The following BAZ1B variants were observed in gnomAD, a reference collection of about 807,000 sequenced individuals.
BAZ1B encodes the protein bromodomain adjacent to zinc finger domain 1B.
A neutral mutation model predicts 153.8 loss-of-function variants in BAZ1B; 22 were observed. The observed-to-expected ratio is 0.14, with a 90% CI of 0.10 to 0.20. The LOEUF is 0.20. Among genes scored for constraint, BAZ1B ranks in the 10% least tolerant of loss-of-function variants. The pLI, the probability that BAZ1B is intolerant of heterozygous loss-of-function variation, is 1.00. For synonymous variants in BAZ1B, 676 were observed against 633.4 expected, an observed-to-expected ratio of 1.07 and a Z score of -1.01; for missense variants, 1,325 against 1,799.3, an observed-to-expected ratio of 0.74 and a Z score of 4.77.
intron 13 of BAZ1B, among the ~76,000 whole-genome samples, chr7:73,456,028 T>C (rs896072014): frequency 6.6e-6 from 1 of 152,188 alleles, no homozygotes; most frequent in Non-Finnish European, 1.5e-5. Flanking sequence ...ATATTTTACT[T>C]ACCTCTCATT....
chr7:73,477,394 T>C lies in BAZ1B; in HGVS notation c.2067A>G (p.Ser689=), dbSNP rs782746082. 1.2e-6 allele frequency: 2 copies of C among 1,614,286 alleles called. No individual in the cohort carries two copies. The highest frequency in any genetic ancestry group is 1.7e-6 in the Non-Finnish European group (2 of 1,180,048). The change falls in exon 7 of 20, where the codon TCA becomes TCG. Residue 689 remains serine (S), a synonymous_variant. Coordinates refer to ENST00000339594, the MANE Select transcript of BAZ1B (RefSeq NM_032408.4). This position sits in a 1 kb window ranked among gnomAD's most constrained non-coding sequence, Gnocchi z 5.6. ...SEIPLTLHSV[S]ELVRLCLRRS... is the part of the protein sequence containing the mutation. ...TGCGCAAGCAGAGCCGCACCAGCTC[T>C]GAAACAGAATGCAGAGTCAAGGGGA... is the stretch of plus-strand genomic sequence containing the variant.
intron 6 of BAZ1B, among the ~76,000 whole-genome samples, chr7:73,481,514 C>T (rs1267535675): frequency 3.1e-5 from 4 of 128,726 alleles, no homozygotes; most frequent in African/African-American, 1.1e-4. Flanking sequence ...GAGACTCCAT[C>T]TCAAAAAAAA....
At chr7:73,464,002 G>T in intron 11 of BAZ1B, 2 of 572,202 alleles carry the variant, frequency 3.5e-6, no homozygotes, top group Non-Finnish European at 4.4e-6. Flanking sequence ...CACCGCGGCC[G>T]GCCCTCCTCT....
intron 6 of BAZ1B, among the ~76,000 whole-genome samples, chr7:73,481,842 C>A (rs1321995615): frequency 6.6e-6 from 1 of 152,052 alleles, no homozygotes; most frequent in Non-Finnish European, 1.5e-5. Context: ...TCGAGACCAT[C>A]CTGGCTAACA....
rs1788441105 is a variant in BAZ1B, at chr7:73,462,863, GAA to G, written c.3249+57_3249+58del. ...TTGGGAAGTCAAGAACAGCACCAGG[GAA>G]GAACTTCAGATTGAGTTGCCATGAG... On this transcript the variant is annotated intron_variant, in intron 12 of 19. Coordinates refer to ENST00000339594, the MANE Select transcript of BAZ1B (RefSeq NM_032408.4). 15 of 1,569,374 alleles carry G rather than the reference GAA, an allele frequency of 9.6e-6. No individual in the cohort carries two copies. In the Admixed American group the frequency reaches 2.5e-4, roughly 26 times the overall value.
At chr7:73,443,959 A>G in intron 17 of BAZ1B, 25 bp downstream of exon 17, 1 of 1,613,242 alleles carries the variant, frequency 6.2e-7, no homozygotes, top group Non-Finnish European at 8.5e-7. Context: ...GAAAGGTTAG[A>G]GAAGGGATGA....
intron 1 of BAZ1B, among the ~76,000 whole-genome samples, chr7:73,519,846 G>T (rs1790959075): frequency 6.6e-6 from 1 of 152,128 alleles, no homozygotes. Context: ...AAACATTAAT[G>T]ACATTGGAAA....
At chr7:73,474,235 CA>C (rs1187056156) in intron 7 of BAZ1B, among the ~76,000 whole-genome samples, 5 of 148,354 alleles carry the variant, frequency 3.4e-5, no homozygotes, top group African/African-American at 9.9e-5. Context: ...GAGCCACATG[CA>C]AAAAAAAATA....
chr7:73,488,386 C>T (rs907719457), intron 6 of BAZ1B, among the ~76,000 whole-genome samples: 52 of 151,988 alleles, frequency 3.4e-4, no homozygotes, highest in African/African-American at 1.1e-3. Flanking sequence ...TATATATGTA[C>T]CATATAACTT....
intron 6 of BAZ1B, among the ~76,000 whole-genome samples, chr7:73,486,426 A>G (rs1554574488): frequency 6.6e-6 from 1 of 152,088 alleles, no homozygotes; most frequent in Non-Finnish European, 1.5e-5. Context: ...TCCCAGGTTC[A>G]TGCCATTCTC....
intron 4 of BAZ1B, among the ~76,000 whole-genome samples, chr7:73,497,950 T>G (rs564072975): frequency 2.0e-3 from 277 of 141,646 alleles, no homozygotes; most frequent in African/African-American, 6.8e-3. Context: ...TTGTGTTTTG[T>G]TTTTTTTTTT....
At chr7:73,487,324 G>A (rs1324974712) in intron 6 of BAZ1B, among the ~76,000 whole-genome samples, 4 of 152,152 alleles carry the variant, frequency 2.6e-5, no homozygotes, top group Admixed American at 2.0e-4. Context: ...AGCTACTAGT[G>A]AGACACAGGG....
chr7:73,478,891 CTA>C (rs1789094554), intron 6 of BAZ1B, among the ~76,000 whole-genome samples: 1 of 152,046 alleles, frequency 6.6e-6, no homozygotes, highest in African/African-American at 2.4e-5. Flanking sequence ...TAGACAAAAA[CTA>C]TGCATACAAT....
At chr7:73,504,217 T>C (rs1383792312) in intron 3 of BAZ1B, among the ~76,000 whole-genome samples, 1 of 152,192 alleles carries the variant, frequency 6.6e-6, no homozygotes, top group Non-Finnish European at 1.5e-5. Context: ...ATATAAAGTA[T>C]GTGATTAGAA....
intron 13 of BAZ1B, among the ~76,000 whole-genome samples, chr7:73,452,573 T>C (rs1788057916): frequency 6.6e-6 from 1 of 151,570 alleles, no homozygotes; most frequent in Non-Finnish European, 1.5e-5. Context: ...AATACAAAAA[T>C]TAGGCGGGTG....
intron 6 of BAZ1B, among the ~76,000 whole-genome samples, chr7:73,479,658 C>A: frequency 6.6e-6 from 1 of 152,066 alleles, no homozygotes; most frequent in Non-Finnish European, 1.5e-5. Context: ...TCCATTAATT[C>A]TATTACATTT....
At chr7:73,494,116 T>C (rs555711656) in intron 4 of BAZ1B, among the ~76,000 whole-genome samples, 50 of 152,178 alleles carry the variant, frequency 3.3e-4, no homozygotes, top group Admixed American at 7.9e-4. Context: ...TCACAGTGGC[T>C]CGTGCCTGTA....
chr7:73,490,395 C>A (rs888153093), intron 5 of BAZ1B, among the ~76,000 whole-genome samples: 6 of 152,032 alleles, frequency 3.9e-5, no homozygotes, highest in African/African-American at 1.4e-4. Flanking sequence ...GGAAGGAATA[C>A]AAAAAAATTT....
intron 1 of BAZ1B, among the ~76,000 whole-genome samples, chr7:73,521,218 C>G (rs554854128): frequency 1.8e-4 from 27 of 152,130 alleles, no homozygotes; most frequent in Non-Finnish European, 3.5e-4. Flanking sequence ...TTCCTTCCCT[C>G]CCTTTCCTCT....
Sources: gnomAD v4.1 joint callset for allele counts (sites outside exome capture counted in the v4.1 genomes callset) on GRCh38, gnomAD v4.1.1 for gene constraint, Gnocchi (gnomAD v3.1) non-coding constraint, MANE v1.5 for transcripts, NCBI Gene and HGNC (gene_info 2026-07-23, HGNC 2026-07-21) for gene names.